NRDE2: variants seen among roughly 807,000 people sequenced by gnomAD.
The protein encoded by NRDE2 is nuclear exosome regulator NRDE2.
In NRDE2, 76 loss-of-function variants were observed where a neutral mutation model predicts 124.2. The ratio of observed to expected loss-of-function variants is 0.61; its 90% confidence interval spans 0.51 to 0.74. The LOEUF (loss-of-function observed/expected upper bound fraction) is 0.74. Ranked by LOEUF, NRDE2 falls within the 30% of genes least tolerant of loss-of-function variation. The probability of loss-of-function intolerance (pLI) is 0.00; values close to 1 mark genes in which losing one functional copy is unlikely to be tolerated. For missense variants in NRDE2, 1,314 were observed against 1,417.3 expected (o/e 0.93, Z 1.17); for synonymous variants, 489 against 528.1 (o/e 0.93, Z 1.01).
Position 90,271,568 on chromosome 14 carries a change from TTATGAC to T in NRDE2, c.*6762_*6767del, listed in dbSNP as rs1452332327. 5.3e-5 allele frequency: 8 copies of T among 152,346 alleles called. No individual in the cohort carries two copies. Among genetic ancestry groups the T allele is most frequent in the Admixed American group, 1.3e-4 (2 of 15,304 alleles). The allele number at this position is 152,346 out of a possible 1,614,324, so 9.4% of individuals were successfully genotyped here. ...GTATCTAACCAGAATACATGTTCTT[TTATGAC>T]TATAAGTAAATGAAATAGACATATA... On this transcript the variant is annotated 3_prime_UTR_variant, in exon 14 of 14. Coordinates refer to ENST00000354366, the MANE Select transcript of NRDE2 (RefSeq NM_017970.4).
chr14:90,312,656 C>A, intron 3 of NRDE2, 113 bp from the exon 4 acceptor site: 1 of 942,356 alleles, frequency 1.1e-6, no homozygotes, highest in Non-Finnish European at 1.7e-6. Flanking sequence ...CACATGGCAT[C>A]AAACACACCT....
Position 90,268,525 on chromosome 14 carries a change from G to A in NRDE2, c.*9811C>T. ...TCCCTATGGCCACAGTTCTTGCTGT[G>A]CGTGGCCTTCCATGCATGCTTTAGG... On this transcript the variant is annotated 3_prime_UTR_variant, in exon 14 of 14. Coordinates refer to ENST00000354366, the MANE Select transcript of NRDE2 (RefSeq NM_017970.4). 3 of 1,075,642 alleles carry A rather than the reference G, an allele frequency of 2.8e-6. No individual in the cohort carries two copies. Among genetic ancestry groups the A allele is most frequent in the Non-Finnish European group, 4.1e-6 (3 of 728,962 alleles). The allele number at this position is 1,075,642 out of a possible 1,614,324, so 66.6% of individuals were successfully genotyped here.
chr14:90,292,408 A>G (rs1400461031), intron 9 of NRDE2, among the ~76,000 whole-genome samples: 1 of 152,198 alleles, frequency 6.6e-6, no homozygotes, highest in Non-Finnish European at 1.5e-5. Flanking sequence ...CCTGGAAGAC[A>G]ATCTCCAGAG....
chr14:90,308,651 G>A lies in NRDE2; in HGVS notation c.557+3743C>T, dbSNP rs138865176. 2.8e-4 allele frequency among the ~76,000 whole-genome samples: 42 copies of A among 152,288 alleles called. No individual in the cohort carries two copies. The East Asian group carries it at 5.4e-3, about 20-fold the overall frequency. ...TCACCTTCATTTCAATGTTCTCGGC[G>A]TGTCAGTGTTCCTCCTAAAGTGTGA... On this transcript the variant is annotated intron_variant, in intron 4 of 13. Transcript: ENST00000354366.
At chr14:90,321,078 C>T (rs1340457411) in intron 1 of NRDE2, among the ~76,000 whole-genome samples, 1 of 151,988 alleles carries the variant, frequency 6.6e-6, no homozygotes, top group Non-Finnish European at 1.5e-5. Flanking sequence ...AAAGATGGAA[C>T]AAACAGTATT....
chr14:90,301,712 A>G (rs1423450019), intron 6 of NRDE2: 2 of 455,648 alleles, frequency 4.4e-6, no homozygotes, highest in Non-Finnish European at 8.8e-6. Context: ...AGGATGGCGT[A>G]GCAGATTTTT....
Position 90,299,666 on chromosome 14 carries a change from T to C in NRDE2, c.1546-1286A>G, listed in dbSNP as rs114440282. Among the ~76,000 whole-genome samples the C allele has an allele frequency of 3.4e-3, 510 of 152,206 alleles. 3 individuals are homozygous for C. Among genetic ancestry groups the C allele is most frequent in the African/African-American group, 0.012 (492 of 41,518 alleles). ...AATGCCACACACGCCTGGAGGAGTA[T>C]TGCCTCCAGGAGAGTCACGTCAGGG... On this transcript the variant is annotated intron_variant, in intron 7 of 13. Coordinates refer to ENST00000354366, the MANE Select transcript of NRDE2 (RefSeq NM_017970.4).
At position 90,292,733 on chromosome 14, in the gene NRDE2, C is replaced by T. The variant is rs1323394548; in HGVS notation, c.1806G>A (p.Lys602=). 1 of 1,614,194 alleles carries T rather than the reference C, an allele frequency of 6.2e-7. No individual in the cohort carries two copies. ...WRPWRPDKTK[K]QTEEDCEDPE... ...GATCCTCACAGTCTTCCTCGGTTTG[C>T]TTCTTGGTCTTATCAGGGCGCCAGG... is the stretch of plus-strand genomic sequence containing the variant. Residue 602 remains lysine, a synonymous_variant, in exon 9 of 14, where the codon AAG becomes AAA. Coordinates refer to ENST00000354366, the MANE Select transcript of NRDE2 (RefSeq NM_017970.4).
In NRDE2 at chr14:90,292,772, C is replaced by G. The variant is rs1892307791; in HGVS notation, c.1767G>C (p.Gln589His). 1 of 1,614,248 alleles carries G rather than the reference C, an allele frequency of 6.2e-7. No individual in the cohort carries two copies. Among genetic ancestry groups the G allele is most frequent in the Non-Finnish European group, 8.5e-7 (1 of 1,180,038 alleles). ...IWLAAERSRDQRHWRPWRPDK... is the reference protein window; with the variant it reads ...IWLAAERSRDHRHWRPWRPDK... ...CAGGGCGCCAGGGCCGCCAGTGCCT[C>G]TGGTCACGGGAACGCTCAGCAGCAA... Residue 589 changes from glutamine (Q) to histidine (H), a missense_variant, in exon 9 of 14, where the codon CAG becomes CAC. Transcript: ENST00000354366.
At chr14:90,320,381 A>G (rs1033974107) in intron 1 of NRDE2, among the ~76,000 whole-genome samples, 4 of 152,348 alleles carry the variant, frequency 2.6e-5, no homozygotes, top group South Asian at 2.1e-4. Context: ...TAAAACCATC[A>G]GATCTCATGA....
Position 90,292,806 on chromosome 14 carries a change from T to C in NRDE2, c.1733A>G (p.Gln578Arg), listed in dbSNP as rs1201401809. 1 of 1,614,236 alleles carries C rather than the reference T, an allele frequency of 6.2e-7. No homozygotes were observed. Among genetic ancestry groups the C allele is most frequent in the Non-Finnish European group, 8.5e-7 (1 of 1,180,020 alleles). The change falls in exon 9 of 14, where the codon CAG becomes CGG. Residue 578 changes from glutamine (Q) to arginine (R), a missense_variant. Transcript: ENST00000354366. Reference protein sequence around the residue: ...EIKDKTLPRWQIWLAAERSRD... With the variant: ...EIKDKTLPRWRIWLAAERSRD... ...GGAACGCTCAGCAGCAAGCCAGATCTGCCACCTGGGCAGAGTCTTATCTTT... is the reference window on the plus strand; with the variant it reads ...GGAACGCTCAGCAGCAAGCCAGATCCGCCACCTGGGCAGAGTCTTATCTTT...
intron 4 of NRDE2, among the ~76,000 whole-genome samples, chr14:90,306,703 G>A (rs920605482): frequency 1.3e-5 from 2 of 151,992 alleles, no homozygotes; most frequent in African/African-American, 2.4e-5. Context: ...CCAGCTACTT[G>A]GGAGGCTGAG....
chr14:90,300,021 A>G (rs8009799), intron 7 of NRDE2, among the ~76,000 whole-genome samples: 44,282 of 151,868 alleles, frequency 0.29, 6,431 homozygotes, highest in South Asian at 0.35. Flanking sequence ...CACATGTGCT[A>G]TTCGTGTTTA....
At chr14:90,319,354 C>G (rs1885161389) in intron 1 of NRDE2, among the ~76,000 whole-genome samples, 1 of 152,118 alleles carries the variant, frequency 6.6e-6, no homozygotes, top group Non-Finnish European at 1.5e-5. Context: ...CATAACTCAG[C>G]CATTAGTCAT....
chr14:90,297,080 A>C (rs1884196216), intron 8 of NRDE2, among the ~76,000 whole-genome samples: 1 of 151,310 alleles, frequency 6.6e-6, no homozygotes, highest in Non-Finnish European at 1.5e-5. Flanking sequence ...CGGAGGTTGC[A>C]GTGAGCCAAG....
At chr14:90,279,240 C>A in intron 12 of NRDE2, 107 bp from the exon 13 acceptor site, 1 of 856,034 alleles carries the variant, frequency 1.2e-6, no homozygotes. Context: ...GCAGTGAGCC[C>A]ACCTGTGCAG....
intron 4 of NRDE2, among the ~76,000 whole-genome samples, chr14:90,309,350 G>A (rs1884738496): frequency 6.6e-6 from 1 of 151,418 alleles, no homozygotes; most frequent in Admixed American, 6.6e-5. Flanking sequence ...GCACTCGCCT[G>A]TAGTCCCAGC....
At chr14:90,308,023 C>T (rs772328714) in intron 4 of NRDE2, among the ~76,000 whole-genome samples, 2 of 152,186 alleles carry the variant, frequency 1.3e-5, no homozygotes, top group Non-Finnish European at 2.9e-5. Context: ...GCTGGGACTA[C>T]AGGTGTGGGT....
chr14:90,324,485 G>A (rs1885349144), intron 1 of NRDE2, among the ~76,000 whole-genome samples: 1 of 151,952 alleles, frequency 6.6e-6, no homozygotes, highest in African/African-American at 2.4e-5. Flanking sequence ...AGACTAGCCT[G>A]GCCAACATGG....
Sources: gnomAD v4.1 joint callset for allele counts (sites outside exome capture counted in the v4.1 genomes callset) on GRCh38, gnomAD v4.1.1 for gene constraint, MANE v1.5 for transcripts, NCBI Gene and HGNC (gene_info 2026-07-23, HGNC 2026-07-21) for gene names.